SBF2: variants seen among roughly 807,000 people sequenced by gnomAD.
SBF2 encodes the protein SET binding factor 2, also known as myotubularin-related protein 13.
A neutral mutation model predicts 225.2 loss-of-function variants in SBF2; 112 were observed. That is an observed-to-expected ratio of 0.50 (90% CI 0.43 to 0.58). SBF2 has a LOEUF of 0.58. Among genes scored for constraint, SBF2 ranks in the 20% least tolerant of loss-of-function variants. SBF2 has a pLI of 0.00. For synonymous variants in SBF2, 763 were observed against 773.3 expected (o/e 0.99, Z 0.22); for missense variants, 1,996 against 2,206.2 (o/e 0.90, Z 1.91).
intron 28 of SBF2, chr11:9,828,359 A>G: frequency 8.6e-7 from 1 of 1,162,982 alleles, no homozygotes. Context: ...GCTTTATTAG[A>G]GATAACAAGG....
intron 1 of SBF2, among the ~76,000 whole-genome samples, chr11:10,260,289 A>G (rs575206047): frequency 3.9e-5 from 6 of 152,350 alleles, no homozygotes; most frequent in African/African-American, 1.4e-4. Context: ...ATATGCAAAG[A>G]AGAGCCAATA....
At chr11:10,179,184 G>A (rs1376386575) in intron 2 of SBF2, among the ~76,000 whole-genome samples, 4 of 150,976 alleles carry the variant, frequency 2.6e-5, no homozygotes, top group South Asian at 4.2e-4. Flanking sequence ...TCACACTCTG[G>A]GGACTGTTGT....
intron 9 of SBF2, among the ~76,000 whole-genome samples, chr11:9,994,805 C>T (rs374722876): frequency 2.6e-5 from 4 of 152,004 alleles, no homozygotes; most frequent in African/African-American, 7.2e-5. Context: ...GGGAGGGCAA[C>T]GTGGGTGGAT....
intron 21 of SBF2, 137 bp from the exon 22 acceptor site, chr11:9,850,355 A>G: frequency 1.2e-6 from 1 of 802,218 alleles, no homozygotes; most frequent in Non-Finnish European, 2.1e-6. Flanking sequence ...TCCTGGGCTC[A>G]AAAGATCCTC....
At chr11:9,833,104 G>C (rs12574765) in intron 26 of SBF2, among the ~76,000 whole-genome samples, 12,576 of 152,244 alleles carry the variant, frequency 0.083, 606 homozygotes, top group East Asian at 0.16. Flanking sequence ...GCCAATATTA[G>C]ACTGCCTGAG....
At chr11:10,047,348 C>A (rs1949902533) in intron 2 of SBF2, among the ~76,000 whole-genome samples, 1 of 152,114 alleles carries the variant, frequency 6.6e-6, no homozygotes, top group Non-Finnish European at 1.5e-5. Context: ...GGAGGACTGA[C>A]ACTACCAAAC....
chr11:10,222,993 G>A (rs923840863), intron 1 of SBF2, among the ~76,000 whole-genome samples: 5 of 151,424 alleles, frequency 3.3e-5, no homozygotes, highest in African/African-American at 7.3e-5. Flanking sequence ...ACGTTTTATC[G>A]GTAGATCTCT....
chr11:10,291,940 C>T (rs966528179), intron 1 of SBF2, among the ~76,000 whole-genome samples: 1 of 152,182 alleles, frequency 6.6e-6, no homozygotes, highest in Non-Finnish European at 1.5e-5. Flanking sequence ...CGTGCATATT[C>T]GTATGTATCT....
In SBF2 at chr11:10,035,109, C is replaced by T. The variant is rs182585427; in HGVS notation, c.280-3939G>A. Among the ~76,000 whole-genome samples, 742 of 152,238 alleles carry T rather than the reference C, an allele frequency of 4.9e-3. 7 individuals carry two copies. Among genetic ancestry groups the T allele is most frequent in the African/African-American group, 0.017 (705 of 41,538 alleles). On this transcript the variant is annotated intron_variant, in intron 3 of 39. Coordinates refer to ENST00000256190, the MANE Select transcript of SBF2 (RefSeq NM_030962.4). ...CCTCCTGAGAGGCTGGGACTAGAGG[C>T]ACCCGCCACCACGCCTGGCTAATTT...
At chr11:10,005,286 G>A (rs550344145) in intron 6 of SBF2, among the ~76,000 whole-genome samples, 23 of 152,260 alleles carry the variant, frequency 1.5e-4, no homozygotes, top group Non-Finnish European at 2.6e-4. Context: ...AGCCTCCAGT[G>A]AGCATGCGTA....
intron 1 of SBF2, among the ~76,000 whole-genome samples, chr11:10,196,201 A>G (rs1454886665): frequency 2.0e-5 from 3 of 152,196 alleles, no homozygotes; most frequent in Admixed American, 1.3e-4. Context: ...GTCTATACTG[A>G]GTAAAATGTT....
intron 17 of SBF2, among the ~76,000 whole-genome samples, chr11:9,885,616 A>G (rs185030104): frequency 4.9e-4 from 75 of 152,264 alleles, no homozygotes; most frequent in African/African-American, 1.7e-3. Context: ...TTTAGTGGGG[A>G]CACTTTATAT....
intron 1 of SBF2, among the ~76,000 whole-genome samples, chr11:10,211,462 C>A (rs968159477): frequency 6.6e-6 from 1 of 152,160 alleles, no homozygotes; most frequent in Non-Finnish European, 1.5e-5. Context: ...AAGGACATCC[C>A]AATATATCCC....
At chr11:10,112,628 C>A (rs1186530431) in intron 2 of SBF2, among the ~76,000 whole-genome samples, 1 of 152,166 alleles carries the variant, frequency 6.6e-6, no homozygotes, top group African/African-American at 2.4e-5. Flanking sequence ...AGTCAGTTAG[C>A]AAACACATCT....
At chr11:9,879,777 A>C (rs575608608) in intron 17 of SBF2, among the ~76,000 whole-genome samples, 3 of 152,138 alleles carry the variant, frequency 2.0e-5, no homozygotes, top group Non-Finnish European at 2.9e-5. Flanking sequence ...AGACAGTTAA[A>C]CATTTGTTTC....
chr11:9,790,641 C>G lies in SBF2; in HGVS notation c.4613G>C (p.Gly1538Ala), dbSNP rs1268491831. 1 of 1,587,986 alleles carries G rather than the reference C, an allele frequency of 6.3e-7. No homozygotes were observed. Among genetic ancestry groups the G allele is most frequent in the South Asian group, 1.1e-5 (1 of 89,700 alleles). ...DDKGEKHAKKGVCIWECIDRM... is the reference protein window; with the variant it reads ...DDKGEKHAKKAVCIWECIDRM... Reference sequence around the variant, plus strand: ...GTCAATACATTCCCAAATACAGACTCCTTTTTTGGCATGCTTTTCTCCTTT... The same window carrying G: ...GTCAATACATTCCCAAATACAGACTGCTTTTTTGGCATGCTTTTCTCCTTT... Residue 1538 changes from glycine to alanine, a missense_variant, in exon 34 of 40, where the codon GGA (glycine) becomes GCA (alanine). Coordinates refer to ENST00000256190, the MANE Select transcript of SBF2 (RefSeq NM_030962.4).
intron 1 of SBF2, among the ~76,000 whole-genome samples, chr11:10,216,354 T>C (rs902408718): frequency 5.3e-5 from 8 of 152,226 alleles, no homozygotes; most frequent in Non-Finnish European, 8.8e-5. Flanking sequence ...CACCAACTGA[T>C]GTTACCTAGA....
intron 16 of SBF2, among the ~76,000 whole-genome samples, chr11:9,904,121 A>G (rs2403224): frequency 0.85 from 128,494 of 151,958 alleles, 54,644 homozygotes; most frequent in African/African-American, 0.87. Flanking sequence ...AAATACAATA[A>G]CACAAATGGA....
chr11:10,116,692 C>CT (rs1209330634), intron 2 of SBF2, among the ~76,000 whole-genome samples: 9 of 151,986 alleles, frequency 5.9e-5, no homozygotes, highest in African/African-American at 1.4e-4. Flanking sequence ...CATGAGCTCT[C>CT]TGCTTTAGTC....
Sources: allele counts gnomAD v4.1 joint callset (sites outside exome capture counted in the v4.1 genomes callset), GRCh38; gene constraint gnomAD v4.1.1; transcripts MANE v1.5; gene names NCBI Gene and HGNC (gene_info 2026-07-23, HGNC 2026-07-21).